NR3C2: variants seen among roughly 807,000 people sequenced by gnomAD.
The protein encoded by NR3C2 is mineralocorticoid receptor.
NR3C2 carries 15 observed loss-of-function variants against 86.4 expected under a neutral mutation model. The ratio of observed to expected loss-of-function variants is 0.17; its 90% CI spans 0.12 to 0.27. The LOEUF is 0.27. Among genes scored for constraint, NR3C2 ranks in the 10% least tolerant of loss-of-function variants. The probability of loss-of-function intolerance (pLI) is 1.00; values close to 1 mark genes in which losing one functional copy is unlikely to be tolerated. For synonymous variants in NR3C2, 458 were observed against 450.5 expected, an observed-to-expected ratio of 1.02 and a Z score of -0.21; for missense variants, 960 against 1,195.6, an observed-to-expected ratio of 0.80 and a Z score of 2.91.
chr4:148,416,521 C>G (rs1749011245), intron 2 of NR3C2, among the ~76,000 whole-genome samples: 1 of 152,196 alleles, frequency 6.6e-6, no homozygotes. Flanking sequence ...CTGAGGACAC[C>G]TGGCTGAAGA....
intron 4 of NR3C2, among the ~76,000 whole-genome samples, chr4:148,176,637 A>G (rs1002920842): frequency 1.3e-5 from 2 of 152,230 alleles, no homozygotes; most frequent in African/African-American, 2.4e-5. Context: ...TCTCTTTGCT[A>G]AATTTCCAGT....
intron 8 of NR3C2, among the ~76,000 whole-genome samples, chr4:148,101,025 C>T (rs374101960): frequency 3.9e-5 from 6 of 152,152 alleles, no homozygotes; most frequent in African/African-American, 1.4e-4. Flanking sequence ...TTCATAGAGA[C>T]AGAAAGAGGG....
At chr4:148,370,424 T>C (rs1746358327) in intron 2 of NR3C2, among the ~76,000 whole-genome samples, 1 of 152,250 alleles carries the variant, frequency 6.6e-6, no homozygotes, top group Non-Finnish European at 1.5e-5. Flanking sequence ...TTTATTTTGT[T>C]AAAGTTTTTT....
chr4:148,313,579 A>G (rs999332438), intron 2 of NR3C2, among the ~76,000 whole-genome samples: 1 of 152,182 alleles, frequency 6.6e-6, no homozygotes, highest in African/African-American at 2.4e-5. Context: ...ATTAAAGAAA[A>G]CTGAACTTCA....
chr4:148,113,915 T>A (rs1428999045), intron 8 of NR3C2, among the ~76,000 whole-genome samples, 189 bp downstream of exon 8: 2 of 152,186 alleles, frequency 1.3e-5, no homozygotes, highest in Non-Finnish European at 2.9e-5. Context: ...AAGTACCCAA[T>A]AAACCCTATG....
chr4:148,341,112 A>G (rs892795460), intron 2 of NR3C2, among the ~76,000 whole-genome samples: 7 of 152,110 alleles, frequency 4.6e-5, no homozygotes, highest in African/African-American at 1.7e-4. Flanking sequence ...CCAGCAATGT[A>G]AAGGAAATCA....
chr4:148,403,034 G>A (rs892067991), intron 2 of NR3C2, among the ~76,000 whole-genome samples: 6 of 151,670 alleles, frequency 4.0e-5, no homozygotes, highest in Non-Finnish European at 8.8e-5. Context: ...ATTTGTATGT[G>A]TATATATACA....
chr4:148,217,873 C>T (rs1294259797), intron 3 of NR3C2, among the ~76,000 whole-genome samples: 1 of 152,226 alleles, frequency 6.6e-6, no homozygotes, highest in Non-Finnish European at 1.5e-5. Flanking sequence ...GGACTGCAGC[C>T]TTCGTAATGA....
At chr4:148,330,097 A>G (rs1330669832) in intron 2 of NR3C2, among the ~76,000 whole-genome samples, 1 of 152,232 alleles carries the variant, frequency 6.6e-6, no homozygotes, top group Non-Finnish European at 1.5e-5. Context: ...CTAAGGTTTA[A>G]TCTCTCATCT....
At chr4:148,161,566 G>A (rs1438146641) in intron 4 of NR3C2, among the ~76,000 whole-genome samples, 1 of 152,064 alleles carries the variant, frequency 6.6e-6, no homozygotes, top group East Asian at 1.9e-4. Context: ...TGTTTGGCCA[G>A]GCTGGTCTTG....
chr4:148,375,493 G>C (rs959214113), intron 2 of NR3C2, among the ~76,000 whole-genome samples: 1 of 150,336 alleles, frequency 6.7e-6, no homozygotes, highest in Non-Finnish European at 1.5e-5. Flanking sequence ...AAAATTTAAA[G>C]TATTTGACAA....
intron 2 of NR3C2, among the ~76,000 whole-genome samples, chr4:148,321,247 T>C (rs1231975053): frequency 7.1e-6 from 1 of 140,936 alleles, no homozygotes; most frequent in Non-Finnish European, 1.6e-5. Context: ...GAGAGACAGT[T>C]TGTTATAATT....
At chr4:148,412,838 CA>C (rs1579268583) in intron 2 of NR3C2, among the ~76,000 whole-genome samples, 2 of 124,230 alleles carry the variant, frequency 1.6e-5, no homozygotes, top group African/African-American at 2.7e-5. Flanking sequence ...CACACACACA[CA>C]CACCCCTTAG....
chr4:148,348,344 T>C lies in NR3C2; in HGVS notation c.1757+86760A>G, dbSNP rs149866816. Among the ~76,000 whole-genome samples the C allele has an allele frequency of 5.6e-4, 86 of 152,274 alleles. 2 individuals carry two copies. The East Asian group carries it at 0.015, about 27-fold the overall frequency. Reference sequence around the variant, plus strand: ...TTTACACTATGTGATTTATGTCCAATTCACCTACTATTCTGTACATTCTAT... The same window carrying C: ...TTTACACTATGTGATTTATGTCCAACTCACCTACTATTCTGTACATTCTAT... On this transcript the variant is annotated intron_variant, in intron 2 of 8. Transcript: ENST00000358102.
At chr4:148,277,084 G>C (rs1317727958) in intron 2 of NR3C2, among the ~76,000 whole-genome samples, 1 of 152,068 alleles carries the variant, frequency 6.6e-6, no homozygotes, top group Non-Finnish European at 1.5e-5. Context: ...TTCTGTACTA[G>C]TCTTTAAAAA....
At chr4:148,193,235 A>C (rs1031956557) in intron 4 of NR3C2, among the ~76,000 whole-genome samples, 9 of 152,142 alleles carry the variant, frequency 5.9e-5, no homozygotes, top group Admixed American at 5.9e-4. Flanking sequence ...CTTCTCCCAC[A>C]AACAGACCTT....
rs560433979 is a variant in NR3C2, at chr4:148,249,531, T to C, written c.1897+10447A>G. On this transcript the variant is annotated intron_variant, in intron 3 of 8. Coordinates refer to ENST00000358102, the MANE Select transcript of NR3C2 (RefSeq NM_000901.5). ...TTCTTTCATCTTTTGCTTTATTTCA[T>C]GTTTTCGCTGTTAGAAAAGTAAACA... Among the ~76,000 whole-genome samples, 9 of 152,364 alleles carry C rather than the reference T, an allele frequency of 5.9e-5. No individual in the cohort carries two copies. The East Asian group carries it at 1.5e-3, about 26-fold the overall frequency.
rs187673709 is a variant in NR3C2, at chr4:148,135,221, G to A, written c.2511-14933C>T. On this transcript the variant is annotated intron_variant, in intron 6 of 8. Coordinates refer to ENST00000358102, the MANE Select transcript of NR3C2 (RefSeq NM_000901.5). ...TTAATTGTCAATGTGCTAGTAAGAG[G>A]TGAGGCCTGTAGGAGGCTCCACTTC... Among the ~76,000 whole-genome samples, 15 of 152,298 alleles carry A rather than the reference G, an allele frequency of 9.8e-5. No individual in the cohort carries two copies. The East Asian group carries it at 2.3e-3, about 24-fold the overall frequency.
intron 2 of NR3C2, among the ~76,000 whole-genome samples, chr4:148,302,187 CTG>C (rs1185414546): frequency 6.6e-6 from 1 of 152,104 alleles, no homozygotes; most frequent in Non-Finnish European, 1.5e-5. Flanking sequence ...ACTTGGGAGA[CTG>C]TGACATTGGA....
Sources: gnomAD v4.1 joint callset for allele counts (sites outside exome capture counted in the v4.1 genomes callset) on GRCh38, gnomAD v4.1.1 for gene constraint, MANE v1.5 for transcripts, NCBI Gene and HGNC (gene_info 2026-07-23, HGNC 2026-07-21) for gene names.